The following PCDHA2 variants were observed in gnomAD, a reference collection of about 807,000 sequenced individuals.
The protein encoded by PCDHA2 is protocadherin alpha 2.
Under a neutral mutation model 66.0 loss-of-function variants are expected in PCDHA2, and 58 were observed. That is an observed-to-expected ratio of 0.88 (90% CI 0.71 to 1.09). The LOEUF (loss-of-function observed/expected upper bound fraction) is 1.09. Ranked by LOEUF, PCDHA2 falls within the 50% of genes least tolerant of loss-of-function variation. The pLI, the probability that PCDHA2 is intolerant of heterozygous loss-of-function variation, is 0.00. For synonymous variants in PCDHA2, 634 were observed against 554.0 expected (o/e 1.14, Z -2.03); for missense variants, 1,267 against 1,242.3 (o/e 1.02, Z -0.30).
chr5:140,897,227 C>T (rs1554187259), intron 1 of PCDHA2, among the ~76,000 whole-genome samples: 1 of 152,036 alleles, frequency 6.6e-6, no homozygotes, highest in Non-Finnish European at 1.5e-5. Flanking sequence ...TACATGTGCA[C>T]AATGTGCAGG....
chr5:140,926,812 G>T (rs908940607), intron 1 of PCDHA2: 28 of 1,458,972 alleles, frequency 1.9e-5, no homozygotes, highest in African/African-American at 2.8e-5. Flanking sequence ...CCCGCGGCTC[G>T]TGCTCTCCAG....
chr5:140,937,362 C>A lies in PCDHA2; in HGVS notation c.2389-41587C>A, dbSNP rs151333453. On this transcript the variant is annotated intron_variant, in intron 1 of 3. Coordinates refer to ENST00000526136, the MANE Select transcript of PCDHA2 (RefSeq NM_018905.3). ...TCTTCCATTTATTTTATTATTTTAT[C>A]TTAATGTTTATGTGTGTGTATGTGT... Among the ~76,000 whole-genome samples the A allele has an allele frequency of 4.1e-4, 62 of 152,138 alleles. No individual in the cohort carries two copies. In the East Asian group the frequency reaches 0.01, roughly 25 times the overall value.
At chr5:140,955,470 G>C (rs1459601597) in intron 1 of PCDHA2, among the ~76,000 whole-genome samples, 2 of 151,850 alleles carry the variant, frequency 1.3e-5, no homozygotes, top group African/African-American at 4.8e-5. Context: ...CTTTTTGCTT[G>C]GCACCTCTCC....
Position 140,796,089 on chromosome 5 carries a change from G to A in PCDHA2, c.1125G>A (p.Ser375=). The A allele has an allele frequency of 6.2e-7, 1 of 1,614,136 alleles. No homozygotes were observed. The highest frequency in any genetic ancestry group is 8.5e-7 in the Non-Finnish European group (1 of 1,180,024). Residue 375 remains serine, a synonymous_variant, in exon 1 of 4, where the codon TCG becomes TCA. Coordinates refer to ENST00000526136, the MANE Select transcript of PCDHA2 (RefSeq NM_018905.3). ...LGTVIALITV[S]DRDSGTNGHV... Reference sequence around the variant, plus strand: ...CTGTCATTGCTCTCATCACGGTGTCGGATCGCGACTCTGGTACGAATGGAC... The same window carrying A: ...CTGTCATTGCTCTCATCACGGTGTCAGATCGCGACTCTGGTACGAATGGAC...
intron 1 of PCDHA2, chr5:140,876,539 C>G: frequency 6.2e-7 from 1 of 1,614,170 alleles, no homozygotes; most frequent in Non-Finnish European, 8.5e-7. Flanking sequence ...ACTTCACTGT[C>G]GCTCCCTGTG....
rs1777021029 is a variant in PCDHA2 at position 140,841,107 on chromosome 5, T to G, written c.2388+43755T>G. On this transcript the variant is annotated intron_variant, in intron 1 of 3. Coordinates refer to ENST00000526136, the MANE Select transcript of PCDHA2 (RefSeq NM_018905.3). ...TAGAAGAACCCAGATATTGCGGAAG[T>G]AATTCATGTAATCATTACCTTTTGA... 4 of 589,342 alleles carry G rather than the reference T, an allele frequency of 6.8e-6. No homozygotes were observed. In the South Asian group the frequency reaches 9.7e-5, roughly 14 times the overall value. The allele number at this position is 589,342 out of a possible 1,614,324, so 36.5% of individuals were successfully genotyped here. A position where few individuals can be genotyped will look rare whatever the true frequency, so the allele number is the denominator to read the frequency against.
rs370831122 is a variant in PCDHA2, at chr5:140,966,962, G to C, written c.2389-11987G>C. On this transcript the variant is annotated intron_variant, in intron 1 of 3. Transcript: ENST00000526136. ...CGTGGGCAACGTGGCTCGCGCGCTG[G>C]GGCTTGAGCTGCGGCGCTTGGGGCC... The C allele has an allele frequency of 1.3e-5, 21 of 1,602,632 alleles. No individual in the cohort carries two copies. Among genetic ancestry groups the C allele is most frequent in the Admixed American group, 3.3e-5 (2 of 59,750 alleles).
intron 1 of PCDHA2, chr5:140,842,102 G>C (rs1777709784): frequency 1.9e-6 from 3 of 1,613,894 alleles, no homozygotes; most frequent in East Asian, 4.5e-5. Context: ...CGGAACAACA[G>C]TTATCAAACT....
chr5:140,828,913 T>A, intron 1 of PCDHA2: 1 of 1,614,238 alleles, frequency 6.2e-7, no homozygotes, highest in East Asian at 2.2e-5. Context: ...AAGGAGCGAA[T>A]GGGGCAATTT....
chr5:140,821,838 C>CT (rs1767080006), intron 1 of PCDHA2: 1 of 1,614,194 alleles, frequency 6.2e-7, no homozygotes, highest in African/African-American at 1.3e-5. Flanking sequence ...TTCTCCTTGC[C>CT]TACTGGAAGG....
In PCDHA2 at chr5:140,937,196, C is replaced by G. The variant is rs915023517; in HGVS notation, c.2389-41753C>G. On this transcript the variant is annotated intron_variant, in intron 1 of 3. Transcript: ENST00000526136. ...GGGACTACAGGCGCCCGCCACCATG[C>G]CCGGCTAATTTTTTGTATTTTTTGT... Among the ~76,000 whole-genome samples, 5 of 152,108 alleles carry G rather than the reference C, an allele frequency of 3.3e-5. No homozygotes were observed. In the East Asian group the frequency reaches 7.8e-4, roughly 24 times the overall value.
At chr5:140,943,854 CAAG>C (rs1298449902) in intron 1 of PCDHA2, among the ~76,000 whole-genome samples, 7 of 152,158 alleles carry the variant, frequency 4.6e-5, no homozygotes, top group African/African-American at 1.7e-4. Flanking sequence ...TCACAGAAGT[CAAG>C]AAGAGGTCTC....
At chr5:140,801,981 GT>G in intron 1 of PCDHA2, 1 of 1,614,220 alleles carries the variant, frequency 6.2e-7, no homozygotes, top group Non-Finnish European at 8.5e-7. Flanking sequence ...TACCCTAGTG[GT>G]GACCGTTAAC....
chr5:140,829,952 C>G, intron 1 of PCDHA2: 1 of 1,614,008 alleles, frequency 6.2e-7, no homozygotes, highest in South Asian at 1.1e-5. Context: ...CGCTCGCTTC[C>G]CGTTTCGCGT....
At chr5:140,867,449 G>A (rs1423382267) in intron 1 of PCDHA2, 3 of 152,036 alleles carry the variant, frequency 2.0e-5, no homozygotes, top group African/African-American at 7.2e-5. Context: ...CTGAATTAGA[G>A]TTCTAGTGTT....
intron 1 of PCDHA2, chr5:140,876,174 T>A: frequency 6.2e-7 from 1 of 1,613,934 alleles, no homozygotes; most frequent in Non-Finnish European, 8.5e-7. Context: ...CCGTCCTGGA[T>A]GTGAATGACA....
At chr5:140,836,828 T>G in intron 1 of PCDHA2, 1 of 958,012 alleles carries the variant, frequency 1.0e-6, no homozygotes, top group Non-Finnish European at 1.5e-6. Context: ...TCTTTTTTAG[T>G]TGATAGCTTT....
At chr5:140,983,293 A>C (rs2097040232) in intron 3 of PCDHA2, among the ~76,000 whole-genome samples, 1 of 152,240 alleles carries the variant, frequency 6.6e-6, no homozygotes, top group African/African-American at 2.4e-5. Context: ...AAAATTGCTT[A>C]AACTCACATT....
At position 140,795,566 on chromosome 5, in the gene PCDHA2, A is replaced by G. The variant is rs1761970175; in HGVS notation, c.602A>G (p.Asp201Gly). The change falls in exon 1 of 4, where the codon GAC (aspartate) becomes GGC (glycine). Residue 201 changes from aspartate to glycine, a missense_variant. Transcript: ENST00000526136. Reference sequence around the variant, plus strand: ...TCTCTCGTGCTGGGGAAATCGCTGGACAGAGAGGAAACTGCTGAGGTTAAT... The same window carrying G: ...TCTCTCGTGCTGGGGAAATCGCTGGGCAGAGAGGAAACTGCTGAGGTTAAT... ...SLSLVLGKSLDREETAEVNLL... is the reference protein window; with the variant it reads ...SLSLVLGKSLGREETAEVNLL... The G allele has an allele frequency of 1.2e-6, 2 of 1,614,212 alleles. No homozygotes were observed. Among genetic ancestry groups the G allele is most frequent in the Admixed American group, 1.7e-5 (1 of 60,030 alleles).
Sources: gnomAD v4.1 joint callset for allele counts (sites outside exome capture counted in the v4.1 genomes callset) on GRCh38, gnomAD v4.1.1 for gene constraint, MANE v1.5 for transcripts, NCBI Gene and HGNC (gene_info 2026-07-23, HGNC 2026-07-21) for gene names.